Variants in LRCH3 observed in about 807,000 individuals in gnomAD.
The protein encoded by LRCH3 is DISP complex protein LRCH3.
Under a neutral mutation model 104.5 loss-of-function variants are expected in LRCH3, and 68 were observed. That is an observed-to-expected ratio of 0.65 (90% CI 0.54 to 0.80). LRCH3 has a LOEUF of 0.80. Among genes scored for constraint, LRCH3 ranks in the 30% least tolerant of loss-of-function variants. LRCH3 has a pLI of 0.00. For missense variants in LRCH3, 951 were observed against 953.9 expected (o/e 1.00, Z 0.04); for synonymous variants, 344 against 361.3 (o/e 0.95, Z 0.54).
rs565925248 is a variant in LRCH3, at chr3:197,809,771, G to A, written c.263-5137G>A. ...TCTTTCTTGAGACCTTCTGTTTTTT[G>A]TTGTTGTTGTTGTTGAGGCTTTCTG... On this transcript the variant is annotated intron_variant, in intron 1 of 20. Coordinates refer to ENST00000425562, the MANE Select transcript of LRCH3 (RefSeq NM_001365715.1). Among the ~76,000 whole-genome samples, 29 of 151,808 alleles carry A rather than the reference G, an allele frequency of 1.9e-4. No individual in the cohort carries two copies. The South Asian group carries it at 6.0e-3, about 32-fold the overall frequency.
intron 20 of LRCH3, among the ~76,000 whole-genome samples, chr3:197,880,087 AG>A (rs1376796125): frequency 7.3e-5 from 11 of 150,872 alleles, no homozygotes; most frequent in Non-Finnish European, 1.5e-4. Context: ...CTGGGACTAC[AG>A]GCGCCCGCCA....
At chr3:197,798,694 A>T (rs1731543970) in intron 1 of LRCH3, among the ~76,000 whole-genome samples, 1 of 152,218 alleles carries the variant, frequency 6.6e-6, no homozygotes, top group Non-Finnish European at 1.5e-5. Context: ...TACGGACTAG[A>T]GTACCAGGTC....
At position 197,860,993 on chromosome 3, in the gene LRCH3, C is replaced by T. The variant is rs562987269; in HGVS notation, c.1716+2088C>T. On this transcript the variant is annotated intron_variant, in intron 15 of 20. Coordinates refer to ENST00000425562, the MANE Select transcript of LRCH3 (RefSeq NM_001365715.1). ...CAACTTTTTTTTTTTTTTTTTGAGA[C>T]GGAGTTTTGCTCTTGTTGCCCAGGT... Among the ~76,000 whole-genome samples the T allele has an allele frequency of 7.2e-4, 97 of 134,126 alleles. 1 individual carries two copies. Among genetic ancestry groups the T allele is most frequent in the African/African-American group, 2.6e-3 (91 of 35,062 alleles). The allele number at this position is 134,126 out of a possible 152,430, so 88.0% of individuals were successfully genotyped here.
intron 5 of LRCH3, among the ~76,000 whole-genome samples, chr3:197,827,281 G>C (rs1354671961): frequency 1.3e-5 from 2 of 152,032 alleles, no homozygotes; most frequent in Non-Finnish European, 2.9e-5. Flanking sequence ...AACCATAGTG[G>C]AAGCATCAGG....
chr3:197,880,448 A>G, intron 20 of LRCH3: 3 of 1,216,092 alleles, frequency 2.5e-6, no homozygotes, highest in East Asian at 2.5e-5. Context: ...CTATACTCAA[A>G]TCTGCATTTC....
At chr3:197,871,490 G>A in intron 19 of LRCH3, 28 bp downstream of exon 19, 1 of 1,608,152 alleles carries the variant, frequency 6.2e-7, no homozygotes, top group South Asian at 1.1e-5. Context: ...AAAAGCCTTG[G>A]CTATTCATCA....
intron 1 of LRCH3, among the ~76,000 whole-genome samples, chr3:197,802,435 A>G (rs1732003850): frequency 6.6e-6 from 1 of 152,112 alleles, no homozygotes; most frequent in Admixed American, 6.6e-5. Flanking sequence ...TATTTTGTTG[A>G]AGATTTTTCC....
chr3:197,877,817 G>GTAGT (rs1020960211), intron 20 of LRCH3, among the ~76,000 whole-genome samples: 2 of 151,840 alleles, frequency 1.3e-5, no homozygotes, highest in Non-Finnish European at 2.9e-5. Flanking sequence ...ACATAAAGTG[G>GTAGT]TAGTTAGCAA....
At chr3:197,880,062 C>G (rs1030450583) in intron 20 of LRCH3, among the ~76,000 whole-genome samples, 3 of 151,110 alleles carry the variant, frequency 2.0e-5, no homozygotes, top group Non-Finnish European at 2.9e-5. Flanking sequence ...TCTCCTGCCT[C>G]AGCCTCCCGA....
At chr3:197,873,408 C>T (rs9817559) in intron 19 of LRCH3, among the ~76,000 whole-genome samples, 4,829 of 152,180 alleles carry the variant, frequency 0.032, 271 homozygotes, top group African/African-American at 0.11. Context: ...TAGCCAGTGA[C>T]GGACAAGCAT....
chr3:197,843,178 G>A (rs2109355743), intron 10 of LRCH3, among the ~76,000 whole-genome samples: 1 of 152,086 alleles, frequency 6.6e-6, no homozygotes, highest in East Asian at 1.9e-4. Flanking sequence ...GTTCTGTAAA[G>A]TGTGTTATAG....
At position 197,813,532 on chromosome 3, in the gene LRCH3, T is replaced by C. The variant is rs908767332; in HGVS notation, c.263-1376T>C. ...ATAATTTTTTTTTTTTTTTTTTTTT[T>C]TTTTTTTTTTTTTTTTGAGATGGAA... On this transcript the variant is annotated intron_variant, in intron 1 of 20. Transcript: ENST00000425562. Among the ~76,000 whole-genome samples the C allele has an allele frequency of 1.8e-4, 22 of 118,976 alleles. 3 individuals are homozygous for C. In the East Asian group the frequency reaches 3.5e-3, roughly 19 times the overall value. 78.1% of individuals were successfully genotyped at this position (118,976 alleles called of 152,430 possible). A position where few individuals can be genotyped will look rare whatever the true frequency, so the allele number is the denominator to read the frequency against.
At chr3:197,869,581 G>A (rs549209880) in intron 17 of LRCH3, among the ~76,000 whole-genome samples, 2 of 135,780 alleles carry the variant, frequency 1.5e-5, no homozygotes, top group East Asian at 2.1e-4. Context: ...GGTAGAAAGC[G>A]ATGCACTGTA....
In LRCH3 at chr3:197,805,245, G is replaced by A. The variant is rs565527817; in HGVS notation, c.263-9663G>A. Among the ~76,000 whole-genome samples the A allele has an allele frequency of 9.5e-4, 144 of 152,122 alleles. 1 individual carries two copies. The highest frequency in any genetic ancestry group is 1.6e-3 in the Non-Finnish European group (108 of 68,014). ...GAATATGTGATTGCTTTTCCTGAGG[G>A]GCAAACTGATAAAACATGACATGTT... On this transcript the variant is annotated intron_variant, in intron 1 of 20. Coordinates refer to ENST00000425562, the MANE Select transcript of LRCH3 (RefSeq NM_001365715.1).
intron 13 of LRCH3, among the ~76,000 whole-genome samples, chr3:197,853,057 A>G (rs1207227402): frequency 6.6e-6 from 1 of 150,824 alleles, no homozygotes; most frequent in Non-Finnish European, 1.5e-5. Context: ...ATTAACAGAA[A>G]ATAAATCACT....
At chr3:197,880,566 A>G in intron 20 of LRCH3, 2 of 1,536,444 alleles carry the variant, frequency 1.3e-6, no homozygotes, top group Non-Finnish European at 1.7e-6. Context: ...CGTTAAAAGA[A>G]CTGTTGAAAC....
intron 1 of LRCH3, among the ~76,000 whole-genome samples, chr3:197,812,996 G>A (rs991739835): frequency 6.6e-6 from 1 of 152,120 alleles, no homozygotes; most frequent in Non-Finnish European, 1.5e-5. Flanking sequence ...AAGCGCAAAG[G>A]TTCCAATTTC....
chr3:197,791,423 C>G lies in LRCH3; in HGVS notation c.145C>G (p.Leu49Val), dbSNP rs1730480060. 3.1e-6 allele frequency: 5 copies of G among 1,593,620 alleles called. No individual in the cohort carries two copies. The highest frequency in any genetic ancestry group is 2.6e-6 in the Non-Finnish European group (3 of 1,171,594). ...TGGCCCGGGCTCGTGGAGCCGCTCT[C>G]TCGATCGAGCCCTGGAGGAGGCGGC... Reference protein sequence around the residue: ...GFGPGSWSRSLDRALEEAAVT... With the variant: ...GFGPGSWSRSVDRALEEAAVT... Residue 49 changes from leucine to valine, a missense_variant, in exon 1 of 21, where the codon CTC becomes GTC. Physicochemically the swap from Leu to Val is conservative, Grantham distance 32. Coordinates refer to ENST00000425562, the MANE Select transcript of LRCH3 (RefSeq NM_001365715.1).
rs115693467 is a variant in LRCH3, at chr3:197,806,373, C to T, written c.263-8535C>T. 3.9e-3 allele frequency among the ~76,000 whole-genome samples: 594 copies of T among 152,198 alleles called. 1 individual carries two copies. The highest frequency in any genetic ancestry group is 0.01 in the Middle Eastern group (3 of 294). ...AACTCCTGAGCTCAAATGATCCTCT[C>T]ACCTCAGCCTCTCAAAGTGCTAGGA... On this transcript the variant is annotated intron_variant, in intron 1 of 20. Coordinates refer to ENST00000425562, the MANE Select transcript of LRCH3 (RefSeq NM_001365715.1).
Sources: gnomAD v4.1 joint callset for allele counts (sites outside exome capture counted in the v4.1 genomes callset) on GRCh38, gnomAD v4.1.1 for gene constraint, MANE v1.5 for transcripts, NCBI Gene and HGNC (gene_info 2026-07-23, HGNC 2026-07-21) for gene names.